The following ACACA variants were observed in gnomAD, a reference collection of about 807,000 sequenced individuals.
ACACA encodes acetyl-CoA carboxylase 1.
A neutral mutation model predicts 296.1 loss-of-function variants in ACACA; 103 were observed. That is an observed-to-expected ratio of 0.35 (90% CI 0.30 to 0.41). The LOEUF (loss-of-function observed/expected upper bound fraction) is 0.41, where lower values mean the gene tolerates loss of function less well. ACACA is among the 10% of genes least tolerant of loss of function. ACACA has a pLI of 1.00. For missense variants in ACACA, 1,554 were observed against 2,989.7 expected (o/e 0.52, Z 11.20); for synonymous variants, 953 against 1,038.6 (o/e 0.92, Z 1.58).
chr17:37,117,836 G>A (rs897682314), intron 50 of ACACA, among the ~76,000 whole-genome samples: 10 of 151,266 alleles, frequency 6.6e-5, no homozygotes, highest in Non-Finnish European at 1.5e-4. Flanking sequence ...CATAGCAAGA[G>A]CTGTCTCTAA....
At position 37,218,147 on chromosome 17, in the gene ACACA, C is replaced by CAAA. The variant is rs60487601; in HGVS notation, c.3683+3574_3683+3576dup. Among the ~76,000 whole-genome samples, 802 of 116,562 alleles carry CAAA rather than the reference C, an allele frequency of 6.9e-3. 15 individuals are homozygous for CAAA. Among genetic ancestry groups the CAAA allele is most frequent in the African/African-American group, 0.024 (696 of 28,946 alleles). The allele number at this position is 116,562 out of a possible 152,430, so 76.5% of individuals were successfully genotyped here. ...CTCTCTCCACGGGCACTACCAGTAA[C>CAAA]AAAAAAAAAAAAAAAAAAAAGAGGG... On this transcript the variant is annotated intron_variant, in intron 29 of 55. Coordinates refer to ENST00000616317, the MANE Select transcript of ACACA (RefSeq NM_198834.3).
chr17:37,362,780 C>A (rs1027372755), intron 1 of ACACA, among the ~76,000 whole-genome samples: 2 of 152,042 alleles, frequency 1.3e-5, no homozygotes, highest in African/African-American at 4.8e-5. Context: ...TCGAGACCAT[C>A]CTGGCTAATG....
chr17:37,346,666 C>A (rs2048634534), intron 1 of ACACA, among the ~76,000 whole-genome samples: 1 of 146,920 alleles, frequency 6.8e-6, no homozygotes, highest in Non-Finnish European at 1.5e-5. Context: ...CACACCACTG[C>A]ACTCCAGCCT....
chr17:37,358,499 C>A (rs2049247528), intron 1 of ACACA, among the ~76,000 whole-genome samples: 1 of 152,200 alleles, frequency 6.6e-6, no homozygotes, highest in African/African-American at 2.4e-5. Context: ...TACAAAGGCA[C>A]GGAGAGAGCA....
At chr17:37,232,005 T>C (rs1024860878) in intron 25 of ACACA, among the ~76,000 whole-genome samples, 2 of 152,232 alleles carry the variant, frequency 1.3e-5, no homozygotes, top group Non-Finnish European at 2.9e-5. Flanking sequence ...GGAAACCTGA[T>C]AGGACTTTAG....
chr17:37,348,423 G>A (rs2147434291), intron 1 of ACACA, among the ~76,000 whole-genome samples: 1 of 152,192 alleles, frequency 6.6e-6, no homozygotes, highest in East Asian at 1.9e-4. Flanking sequence ...GATCCTACAA[G>A]CTTCCTGAGA....
chr17:37,239,324 T>C (rs1454875472), intron 24 of ACACA, among the ~76,000 whole-genome samples: 2 of 152,218 alleles, frequency 1.3e-5, no homozygotes, highest in Non-Finnish European at 2.9e-5. Flanking sequence ...GGCAGATATA[T>C]TGCTTTATTA....
intron 10 of ACACA, among the ~76,000 whole-genome samples, chr17:37,265,489 G>C (rs2146312018): frequency 6.6e-6 from 1 of 152,260 alleles, no homozygotes; most frequent in Non-Finnish European, 1.5e-5. Context: ...CTCAGGTACA[G>C]TTTCTCTTGA....
At chr17:37,345,100 C>A (rs1000479509) in intron 1 of ACACA, among the ~76,000 whole-genome samples, 3 of 152,312 alleles carry the variant, frequency 2.0e-5, no homozygotes, top group Admixed American at 2.0e-4. Context: ...CTTGCCCAGG[C>A]TGGAGTCCAG....
intron 39 of ACACA, among the ~76,000 whole-genome samples, chr17:37,183,712 A>T (rs2144925751): frequency 6.6e-6 from 1 of 151,480 alleles, no homozygotes; most frequent in South Asian, 2.1e-4. Context: ...TGAACCCGGG[A>T]GGTAGAACTT....
intron 39 of ACACA, among the ~76,000 whole-genome samples, chr17:37,185,488 T>A (rs764152892): frequency 5.4e-5 from 8 of 149,498 alleles, no homozygotes; most frequent in Non-Finnish European, 1.0e-4. Flanking sequence ...TGGGCTCATG[T>A]GATCCTCCCA....
At chr17:37,370,010 CTT>C (rs374109607) in intron 1 of ACACA, among the ~76,000 whole-genome samples, 163 of 128,756 alleles carry the variant, frequency 1.3e-3, no homozygotes, top group East Asian at 2.5e-3. Flanking sequence ...CTGGCCCCTC[CTT>C]TTTTTTTTTT....
chr17:37,274,140 G>T (rs1030161195), intron 9 of ACACA, 53 bp downstream of exon 9: 15 of 1,470,082 alleles, frequency 1.0e-5, no homozygotes, highest in South Asian at 6.8e-5. Flanking sequence ...CTCCACATTT[G>T]TGACTATAAC....
intron 27 of ACACA, among the ~76,000 whole-genome samples, chr17:37,224,175 C>G (rs1445897289): frequency 6.6e-6 from 1 of 152,186 alleles, no homozygotes; most frequent in Non-Finnish European, 1.5e-5. Flanking sequence ...GCACTCCAGC[C>G]TGGGCAACAG....
chr17:37,311,085 C>G (rs913703563), intron 3 of ACACA, among the ~76,000 whole-genome samples: 1 of 152,104 alleles, frequency 6.6e-6, no homozygotes, highest in Non-Finnish European at 1.5e-5. Context: ...TTTAGCAATA[C>G]AGTAGTCATT....
intron 3 of ACACA, among the ~76,000 whole-genome samples, chr17:37,297,798 G>A (rs1435927551): frequency 4.9e-4 from 74 of 151,960 alleles, no homozygotes; most frequent in Non-Finnish European, 4.6e-4. Context: ...TGATCCACCC[G>A]CCTTGGCCTC....
At chr17:37,215,105 T>A (rs2078924808) in intron 29 of ACACA, among the ~76,000 whole-genome samples, 1 of 152,136 alleles carries the variant, frequency 6.6e-6, no homozygotes, top group Admixed American at 6.6e-5. Flanking sequence ...AAACACATGC[T>A]ATCAGGGGAA....
At chr17:37,210,547 G>T in intron 29 of ACACA, 57 bp from the exon 30 acceptor site, 4 of 1,532,084 alleles carry the variant, frequency 2.6e-6, no homozygotes, top group Non-Finnish European at 3.6e-6. Flanking sequence ...CATAATAAAA[G>T]AATTGTCAGA....
At chr17:37,312,321 C>A (rs1462666503) in intron 3 of ACACA, among the ~76,000 whole-genome samples, 1 of 152,126 alleles carries the variant, frequency 6.6e-6, no homozygotes, top group Non-Finnish European at 1.5e-5. Flanking sequence ...AGAAACAAGA[C>A]TGGAAAAATC....
Sources: gnomAD v4.1 joint callset for allele counts (sites outside exome capture counted in the v4.1 genomes callset) on GRCh38, gnomAD v4.1.1 for gene constraint, MANE v1.5 for transcripts, NCBI Gene and HGNC (gene_info 2026-07-23, HGNC 2026-07-21) for gene names.